The following CLVS1 variants were observed in gnomAD, a reference collection of about 807,000 sequenced individuals.
CLVS1 encodes clavesin 1.
CLVS1 carries 10 observed loss-of-function variants against 33.1 expected under a neutral mutation model. The ratio of observed to expected loss-of-function variants is 0.30; its 90% CI spans 0.19 to 0.51. CLVS1 has a LOEUF of 0.51. CLVS1 is among the 20% of genes least tolerant of loss of function. The pLI, the probability that CLVS1 is intolerant of heterozygous loss-of-function variation, is 0.97. For missense variants in CLVS1, 343 were observed against 433.4 expected (o/e 0.79, Z 1.85); for synonymous variants, 163 against 166.1 (o/e 0.98, Z 0.14).
chr8:61,406,624 G>GC (rs568378277), intron 3 of CLVS1, among the ~76,000 whole-genome samples: 50 of 151,912 alleles, frequency 3.3e-4, no homozygotes, highest in African/African-American at 1.2e-3. Flanking sequence ...TTTGTGGGGG[G>GC]GGGGATGGAG....
intron 1 of CLVS1, among the ~76,000 whole-genome samples, chr8:61,120,551 G>C (rs200945786): frequency 0.023 from 1,785 of 77,270 alleles, 25 homozygotes; most frequent in East Asian, 0.059. Context: ...ATGGGTTTTT[G>C]GTGTGGATGT....
chr8:61,168,478 T>C (rs1222203574), intron 2 of CLVS1, among the ~76,000 whole-genome samples: 1 of 142,010 alleles, frequency 7.0e-6, no homozygotes, highest in Non-Finnish European at 1.6e-5. Flanking sequence ...TTATCTTTGG[T>C]AGCAATGTAG....
chr8:61,238,937 A>G (rs1468836805), intron 2 of CLVS1, among the ~76,000 whole-genome samples: 1 of 152,212 alleles, frequency 6.6e-6, no homozygotes, highest in Non-Finnish European at 1.5e-5. Context: ...AAAGATACAT[A>G]TGTGTTAGTG....
chr8:61,067,548 A>T (rs1382873660), intron 1 of CLVS1, among the ~76,000 whole-genome samples: 1 of 151,612 alleles, frequency 6.6e-6, no homozygotes, highest in Non-Finnish European at 1.5e-5. Context: ...CAAAAAATCC[A>T]CAATAGTTCA....
chr8:61,484,092 G>C (rs569979660), intron 5 of CLVS1, among the ~76,000 whole-genome samples: 1 of 152,200 alleles, frequency 6.6e-6, no homozygotes, highest in Non-Finnish European at 1.5e-5. Context: ...GTTCTGGCCA[G>C]AGCAATCAGG....
chr8:61,033,161 A>AAGAAAAAAG, the CLVS1 span, among the ~76,000 whole-genome samples: 1 of 92,130 alleles, frequency 1.1e-5, no homozygotes. Flanking sequence ...GAAAGAAAGA[A>AAGAAAAAAG]AAAGAAAGAA....
intron 1 of CLVS1, among the ~76,000 whole-genome samples, chr8:61,057,603 C>T (rs1206606432): frequency 1.3e-5 from 2 of 151,720 alleles, no homozygotes; most frequent in Non-Finnish European, 1.5e-5. Context: ...GTACTTAGTT[C>T]TGGTATCCCA....
At chr8:61,411,263 G>A (rs531218997) in intron 3 of CLVS1, among the ~76,000 whole-genome samples, 3 of 152,326 alleles carry the variant, frequency 2.0e-5, no homozygotes, top group Admixed American at 6.5e-5. Context: ...TTGTTGCTTG[G>A]CTTTGAGCAA....
intron 2 of CLVS1, among the ~76,000 whole-genome samples, chr8:61,223,528 G>T (rs186497987): frequency 1.7e-3 from 258 of 152,240 alleles, no homozygotes; most frequent in African/African-American, 5.9e-3. Context: ...TGGCTTGTAG[G>T]GTTTCTGTTG....
At chr8:61,409,077 T>A (rs901690234) in intron 3 of CLVS1, among the ~76,000 whole-genome samples, 4 of 152,074 alleles carry the variant, frequency 2.6e-5, no homozygotes, top group African/African-American at 9.7e-5. Context: ...CCATTTTGAG[T>A]TTTGTTTTGA....
intron 1 of CLVS1, among the ~76,000 whole-genome samples, chr8:61,123,532 G>A (rs1805916251): frequency 6.6e-6 from 1 of 152,076 alleles, no homozygotes; most frequent in African/African-American, 2.4e-5. Flanking sequence ...AGAATGTTTT[G>A]GAGAAAATTT....
intron 3 of CLVS1, among the ~76,000 whole-genome samples, chr8:61,405,772 C>T (rs1166448725): frequency 1.3e-5 from 2 of 149,338 alleles, no homozygotes; most frequent in Non-Finnish European, 3.0e-5. Flanking sequence ...TAGTCAGGTG[C>T]CACTGTCTTA....
intron 1 of CLVS1, among the ~76,000 whole-genome samples, chr8:61,129,003 A>G (rs980891952): frequency 3.3e-5 from 5 of 152,196 alleles, no homozygotes; most frequent in African/African-American, 1.2e-4. Flanking sequence ...TTTTTATTGC[A>G]TTTGATACTG....
intron 2 of CLVS1, among the ~76,000 whole-genome samples, chr8:61,198,339 T>C (rs1807658445): frequency 6.6e-6 from 1 of 152,214 alleles, no homozygotes; most frequent in South Asian, 2.1e-4. Flanking sequence ...TGGGTTTTTA[T>C]TGTACCTGTC....
intron 5 of CLVS1, among the ~76,000 whole-genome samples, chr8:61,482,976 A>G (rs1007650537): frequency 1.3e-5 from 2 of 152,244 alleles, no homozygotes; most frequent in African/African-American, 2.4e-5. Context: ...CTAAATGCCC[A>G]CAAGAGAAAG....
At chr8:61,181,232 C>A (rs1213906411) in intron 2 of CLVS1, among the ~76,000 whole-genome samples, 3 of 152,108 alleles carry the variant, frequency 2.0e-5, no homozygotes, top group Non-Finnish European at 4.4e-5. Flanking sequence ...CTCCCATTTA[C>A]AATTGCTGCA....
At chr8:61,032,757 G>T in the CLVS1 span, among the ~76,000 whole-genome samples, 2 of 152,022 alleles carry the variant, frequency 1.3e-5, no homozygotes, top group African/African-American at 4.8e-5. Context: ...TTCTTCCAGT[G>T]CTTTCTGGCT....
At chr8:61,340,764 T>G (rs1812002490) in intron 2 of CLVS1, among the ~76,000 whole-genome samples, 1 of 152,250 alleles carries the variant, frequency 6.6e-6, no homozygotes, top group South Asian at 2.1e-4. Flanking sequence ...CTCCATATTG[T>G]TTTCCATGAT....
Position 61,501,273 on chromosome 8 carries a change from G to A in CLVS1, c.*1731G>A, listed in dbSNP as rs1272337281. 2 of 152,076 alleles carry A rather than the reference G, an allele frequency of 1.3e-5. No individual in the cohort carries two copies. Among genetic ancestry groups the A allele is most frequent in the Non-Finnish European group, 2.9e-5 (2 of 67,984 alleles). The allele number at this position is 152,076 out of a possible 1,614,324, so 9.4% of individuals were successfully genotyped here. ...TATTGCTTGGGTTTAAAATAGTTGTGGGATACAAGTATTTACAATGCTATT... is the reference window on the plus strand; with the variant it reads ...TATTGCTTGGGTTTAAAATAGTTGTAGGATACAAGTATTTACAATGCTATT... On this transcript the variant is annotated 3_prime_UTR_variant, in exon 6 of 6. Coordinates refer to ENST00000325897, the MANE Select transcript of CLVS1 (RefSeq NM_173519.3).
Sources: allele counts gnomAD v4.1 joint callset (sites outside exome capture counted in the v4.1 genomes callset), GRCh38; gene constraint gnomAD v4.1.1; transcripts MANE v1.5; gene names NCBI Gene and HGNC (gene_info 2026-07-23, HGNC 2026-07-21).